The following BEND6 variants were observed in gnomAD, a reference collection of about 807,000 sequenced individuals.
The protein encoded by BEND6 is BEN domain-containing protein 6.
In BEND6, 24 loss-of-function variants were observed where a neutral mutation model predicts 31.8. That is an observed-to-expected ratio of 0.75 (90% CI 0.55 to 1.06). BEND6 has a LOEUF of 1.06. BEND6 is among the 50% of genes least tolerant of loss of function. The pLI is 0.00. For missense variants in BEND6, 294 were observed against 327.4 expected, an observed-to-expected ratio of 0.90 and a Z score of 0.79; for synonymous variants, 109 against 114.6, an observed-to-expected ratio of 0.95 and a Z score of 0.31.
chr6:57,018,433 A>T lies in BEND6; in HGVS notation c.725A>T (p.Gln242Leu). ...EVQEIIGVTK[Q>L]LFPNTDDVSI... ...TGGTTTTTTACAGGAGTAACAAAAC[A>T]ATTATTTCCCAATACGGATGATGTT... Residue 242 changes from glutamine to leucine, a missense_variant, in exon 6 of 7, where the codon CAA becomes CTA. Physicochemically the swap from Gln to Leu is moderately radical, Grantham distance 113 (BLOSUM62 -2). Coordinates refer to ENST00000370746, the MANE Select transcript of BEND6 (RefSeq NM_152731.3). The T allele has an allele frequency of 6.3e-7, 1 of 1,583,998 alleles. No homozygotes were observed. Among genetic ancestry groups the T allele is most frequent in the Non-Finnish European group, 8.5e-7 (1 of 1,170,630 alleles).
intron 3 of BEND6, chr6:57,004,401 G>A (rs565629027): frequency 1.9e-6 from 1 of 534,618 alleles, no homozygotes; most frequent in Admixed American, 2.8e-5. Context: ...ACAGTGCTTG[G>A]ACAGAACCCA....
chr6:56,955,571 CCT>C (rs2127833020), intron 1 of BEND6, 111 bp downstream of exon 1: 1 of 152,372 alleles, frequency 6.6e-6, no homozygotes, highest in Non-Finnish European at 1.5e-5. Flanking sequence ...CCTCTCCAAG[CCT>C]CTCTAAACTA....
At chr6:56,977,525 A>C (rs1825922618) in intron 1 of BEND6, among the ~76,000 whole-genome samples, 1 of 152,372 alleles carries the variant, frequency 6.6e-6, no homozygotes, top group South Asian at 2.1e-4. Context: ...TGAAAATGTA[A>C]AGTGTTTAAA....
At chr6:57,018,710 C>A (rs375690131) in intron 6 of BEND6, among the ~76,000 whole-genome samples, 153 bp downstream of exon 6, 1 of 152,124 alleles carries the variant, frequency 6.6e-6, no homozygotes, top group African/African-American at 2.4e-5. Context: ...AAGGGGAGAA[C>A]TGGGAGTGGG....
At chr6:56,958,050 C>T (rs1176849396) in intron 1 of BEND6, among the ~76,000 whole-genome samples, 2 of 152,166 alleles carry the variant, frequency 1.3e-5, no homozygotes, top group Non-Finnish European at 2.9e-5. Context: ...CAGGCCTCCC[C>T]AGCATTAGGG....
intron 2 of BEND6, among the ~76,000 whole-genome samples, chr6:56,990,499 A>G (rs1385616819): frequency 6.6e-6 from 1 of 152,092 alleles, no homozygotes; most frequent in Non-Finnish European, 1.5e-5. Flanking sequence ...TGCCTGCCTC[A>G]GCCTCCCAAA....
At chr6:56,991,935 G>A (rs1431984808) in intron 2 of BEND6, among the ~76,000 whole-genome samples, 1 of 152,032 alleles carries the variant, frequency 6.6e-6, no homozygotes, top group Admixed American at 6.5e-5. Flanking sequence ...CACTAACTCT[G>A]GTATACCCTG....
intron 3 of BEND6, among the ~76,000 whole-genome samples, chr6:56,996,525 C>T (rs1160062297): frequency 6.6e-6 from 1 of 151,926 alleles, no homozygotes; most frequent in Non-Finnish European, 1.5e-5. Context: ...CTATTTCCTG[C>T]CTGGGCCTCT....
intron 1 of BEND6, among the ~76,000 whole-genome samples, chr6:56,978,410 T>C (rs997432635): frequency 6.6e-6 from 1 of 152,200 alleles, no homozygotes; most frequent in African/African-American, 2.4e-5. Context: ...AGAAACCCTA[T>C]GCCAATTTCC....
At chr6:57,003,716 A>G (rs957874713) in intron 3 of BEND6, among the ~76,000 whole-genome samples, 6 of 152,212 alleles carry the variant, frequency 3.9e-5, no homozygotes, top group Non-Finnish European at 8.8e-5. Flanking sequence ...AACTTTGCAA[A>G]GACACAATGA....
chr6:56,971,934 T>C (rs1402234032), intron 1 of BEND6, among the ~76,000 whole-genome samples: 1 of 152,136 alleles, frequency 6.6e-6, no homozygotes, highest in Non-Finnish European at 1.5e-5. Context: ...ATAGTGACTT[T>C]TGATGCACAA....
At chr6:56,992,047 GC>G (rs1250708654) in intron 2 of BEND6, among the ~76,000 whole-genome samples, 2 of 152,148 alleles carry the variant, frequency 1.3e-5, no homozygotes, top group African/African-American at 4.8e-5. Context: ...TCAAATCCGG[GC>G]TGTATATCAG....
chr6:57,023,947 T>C (rs1827828173), intron 6 of BEND6, among the ~76,000 whole-genome samples: 1 of 152,356 alleles, frequency 6.6e-6, no homozygotes, highest in Non-Finnish European at 1.5e-5. Context: ...TTGTTGCTTT[T>C]TATTTTTAGT....
At chr6:56,985,232 G>A (rs1182882319) in intron 2 of BEND6, among the ~76,000 whole-genome samples, 4 of 152,112 alleles carry the variant, frequency 2.6e-5, no homozygotes, top group East Asian at 1.9e-4. Flanking sequence ...TTAGGTATTC[G>A]TACTTCTGGG....
chr6:56,991,518 C>A (rs984464837), intron 2 of BEND6, among the ~76,000 whole-genome samples: 1 of 152,004 alleles, frequency 6.6e-6, no homozygotes, highest in African/African-American at 2.4e-5. Context: ...TGTGCCACCA[C>A]GCCTGGCTAA....
At chr6:57,002,055 G>A (rs962518170) in intron 3 of BEND6, among the ~76,000 whole-genome samples, 8 of 152,258 alleles carry the variant, frequency 5.3e-5, no homozygotes, top group Admixed American at 1.3e-4. Context: ...AGCAGGGGTC[G>A]TGATTCTTAT....
At chr6:57,008,217 T>A in intron 3 of BEND6, 1 of 702,942 alleles carries the variant, frequency 1.4e-6, no homozygotes, top group South Asian at 1.5e-5. Context: ...CTCCAATGAA[T>A]GTGTTCAAAC....
intron 2 of BEND6, among the ~76,000 whole-genome samples, chr6:56,988,134 A>C (rs2127858878): frequency 6.6e-6 from 1 of 150,890 alleles, no homozygotes; most frequent in African/African-American, 2.4e-5. Context: ...CTTCTGCCTC[A>C]GCCTCCCAGG....
intron 2 of BEND6, among the ~76,000 whole-genome samples, chr6:56,990,656 G>T (rs6902125): frequency 0.94 from 142,324 of 152,214 alleles, 67,234 homozygotes; most frequent in Non-Finnish European, 1. Flanking sequence ...ACACCCTGCT[G>T]CTTATACTTC....
Sources: allele counts gnomAD v4.1 joint callset (sites outside exome capture counted in the v4.1 genomes callset), GRCh38; gene constraint gnomAD v4.1.1; transcripts MANE v1.5; gene names NCBI Gene and HGNC (gene_info 2026-07-23, HGNC 2026-07-21).